FAM120B: variants seen among roughly 807,000 people sequenced by gnomAD.
FAM120B encodes the protein family with sequence similarity 120 member B.
In FAM120B, 83 loss-of-function variants were observed where a neutral mutation model predicts 96.3. That is an observed-to-expected ratio of 0.86 (90% confidence interval 0.72 to 1.03). The LOEUF is 1.03. FAM120B is among the 50% of genes least tolerant of loss of function. The pLI, the probability that FAM120B is intolerant of heterozygous loss-of-function variation, is 0.00. For missense variants in FAM120B, 1,027 were observed against 1,121.2 expected, an observed-to-expected ratio of 0.92 and a Z score of 1.20; for synonymous variants, 407 against 402.7, an observed-to-expected ratio of 1.01 and a Z score of -0.13.
intron 6 of FAM120B, among the ~76,000 whole-genome samples, chr6:170,376,376 CACATATAGT>C (rs760207172): frequency 5.9e-5 from 9 of 151,426 alleles, no homozygotes; most frequent in Non-Finnish European, 1.3e-4. Flanking sequence ...TTGAGAGATA[CACATATAGT>C]GTGATAAGGA....
intron 6 of FAM120B, among the ~76,000 whole-genome samples, chr6:170,372,220 T>C (rs1486986845): frequency 6.6e-6 from 1 of 152,200 alleles, no homozygotes; most frequent in Admixed American, 6.5e-5. Flanking sequence ...TTAAGAATGA[T>C]TTTTTATACT....
At chr6:170,298,492 G>T (rs1030624275) in intron 1 of FAM120B, 1 of 150,678 alleles carries the variant, frequency 6.6e-6, no homozygotes, top group East Asian at 2.0e-4. Flanking sequence ...TCACCATCAA[G>T]ATTTGTTTTC....
intron 9 of FAM120B, among the ~76,000 whole-genome samples, chr6:170,396,594 G>A (rs936315880): frequency 3.3e-5 from 5 of 152,226 alleles, no homozygotes; most frequent in South Asian, 2.1e-4. Flanking sequence ...CCACCGAGTC[G>A]TGCAGTCACT....
chr6:170,360,630 T>C (rs1788292023), intron 6 of FAM120B, among the ~76,000 whole-genome samples: 2 of 152,188 alleles, frequency 1.3e-5, no homozygotes, highest in Non-Finnish European at 2.9e-5. Flanking sequence ...TGTCCCATGC[T>C]TCTAGTTCTG....
intron 4 of FAM120B, among the ~76,000 whole-genome samples, chr6:170,331,725 T>C (rs1041966166): frequency 1.3e-5 from 2 of 152,224 alleles, no homozygotes; most frequent in African/African-American, 4.8e-5. Context: ...GTGTCAAGAG[T>C]TAATTTTAAA....
upstream of FAM120B, among the ~76,000 whole-genome samples, chr6:170,291,316 G>T (rs1413799660): frequency 6.6e-6 from 1 of 151,964 alleles, no homozygotes; most frequent in Non-Finnish European, 1.5e-5. Flanking sequence ...CCACACGCGG[G>T]GGGCGGCGCT....
In FAM120B at chr6:170,405,040, T is replaced by C. The variant is rs1362262995; in HGVS notation, c.*289T>C. 6.2e-6 allele frequency: 1 copy of C among 161,144 alleles called. No individual in the cohort carries two copies. Among genetic ancestry groups the C allele is most frequent in the African/African-American group, 2.4e-5 (1 of 41,722 alleles). 10.0% of individuals were successfully genotyped at this position (161,144 alleles called of 1,614,324 possible). On this transcript the variant is annotated 3_prime_UTR_variant, in exon 11 of 11. Transcript: ENST00000476287. ...ATCTTTCATTCATATATATGATGCCTAGCTAATTTCATTTTAAAATAAATG... is the reference window on the plus strand; with the variant it reads ...ATCTTTCATTCATATATATGATGCCCAGCTAATTTCATTTTAAAATAAATG...
At chr6:170,375,615 A>C (rs1398118272) in intron 6 of FAM120B, among the ~76,000 whole-genome samples, 1 of 152,258 alleles carries the variant, frequency 6.6e-6, no homozygotes, top group East Asian at 1.9e-4. Flanking sequence ...TTTAATCAGC[A>C]AACTCATTTA....
At chr6:170,364,226 G>C (rs549622727) in intron 6 of FAM120B, among the ~76,000 whole-genome samples, 2 of 152,158 alleles carry the variant, frequency 1.3e-5, no homozygotes, top group African/African-American at 4.8e-5. Flanking sequence ...CACCTTCTCC[G>C]ACCTCTTCTC....
At position 170,367,547 on chromosome 6, in the gene FAM120B, G is replaced by A. The variant is rs552013842; in HGVS notation, c.2283+9229G>A. On this transcript the variant is annotated intron_variant, in intron 6 of 10. Coordinates refer to ENST00000476287, the MANE Select transcript of FAM120B (RefSeq NM_032448.3). ...TCCATCTGGCTCTTTCCAGAAGAGC[G>A]TGCTGACCCTTGGCTGGAGCCAGCA... 7.9e-5 allele frequency among the ~76,000 whole-genome samples: 12 copies of A among 152,246 alleles called. 1 individual carries two copies. Among genetic ancestry groups the A allele is most frequent in the African/African-American group, 1.2e-4 (5 of 41,460 alleles).
intron 6 of FAM120B, among the ~76,000 whole-genome samples, chr6:170,372,603 C>T (rs1789265031): frequency 6.6e-6 from 1 of 152,202 alleles, no homozygotes. Flanking sequence ...CTGTCAGATA[C>T]AGCATGGGAA....
intron 6 of FAM120B, among the ~76,000 whole-genome samples, chr6:170,382,602 G>C (rs566174034): frequency 3.9e-5 from 6 of 152,100 alleles, no homozygotes; most frequent in Non-Finnish European, 8.8e-5. Flanking sequence ...AACATATACA[G>C]GATCTGTATG....
chr6:170,394,091 CA>C (rs1387317272), intron 8 of FAM120B, among the ~76,000 whole-genome samples: 7 of 152,206 alleles, frequency 4.6e-5, no homozygotes, highest in African/African-American at 1.7e-4. Flanking sequence ...ATGTGAGGAG[CA>C]TGTCACCAGT....
intron 4 of FAM120B, among the ~76,000 whole-genome samples, chr6:170,344,806 G>T (rs1787071997): frequency 6.6e-6 from 1 of 152,170 alleles, no homozygotes; most frequent in South Asian, 2.1e-4. Flanking sequence ...CAGACTTGAT[G>T]CTGGTCTTCC....
intron 1 of FAM120B, 46 bp from the exon 2 acceptor site, chr6:170,317,320 ATATC>A (rs778687983): frequency 5.0e-6 from 7 of 1,406,108 alleles, no homozygotes; most frequent in Non-Finnish European, 9.9e-7. Context: ...AAGGTGCCAT[ATATC>A]TAATGATAAT....
intron 6 of FAM120B, among the ~76,000 whole-genome samples, chr6:170,366,784 T>C (rs1412625337): frequency 6.6e-6 from 1 of 152,240 alleles, no homozygotes; most frequent in East Asian, 1.9e-4. Flanking sequence ...GTACACAAAG[T>C]GAACAGTGTT....
chr6:170,303,811 C>T (rs77284584), upstream of FAM120B, among the ~76,000 whole-genome samples: 1,542 of 152,278 alleles, frequency 0.01, 76 homozygotes, highest in East Asian at 0.11. Context: ...ATGCTATATC[C>T]TTTTTTGCAT....
At chr6:170,388,613 T>C (rs1398728200) in intron 7 of FAM120B, 120 bp downstream of exon 7, 2 of 815,176 alleles carry the variant, frequency 2.5e-6, no homozygotes, top group Admixed American at 2.1e-5. Context: ...AGGATTCCGT[T>C]AAACCAGGAA....
chr6:170,397,375 A>G (rs1013553785), intron 9 of FAM120B, among the ~76,000 whole-genome samples: 2 of 152,074 alleles, frequency 1.3e-5, no homozygotes, highest in Non-Finnish European at 2.9e-5. Context: ...TATTTAAGCA[A>G]AGGCCTGATG....
Sources: gnomAD v4.1 joint callset for allele counts (sites outside exome capture counted in the v4.1 genomes callset) on GRCh38, gnomAD v4.1.1 for gene constraint, MANE v1.5 for transcripts, NCBI Gene and HGNC (gene_info 2026-07-23, HGNC 2026-07-21) for gene names.